MAPKAP1: variants seen among roughly 807,000 people sequenced by gnomAD.
MAPKAP1 encodes target of rapamycin complex 2 subunit MAPKAP1.
A neutral mutation model predicts 65.7 loss-of-function variants in MAPKAP1; 20 were observed. The observed-to-expected ratio is 0.30, with a 90% CI of 0.21 to 0.44. The LOEUF (loss-of-function observed/expected upper bound fraction) is 0.44, where lower values mean the gene tolerates loss of function less well. Among genes scored for constraint, MAPKAP1 ranks in the 20% least tolerant of loss-of-function variants. The pLI is 1.00. For synonymous variants in MAPKAP1, 222 were observed against 244.3 expected (o/e 0.91, Z 0.85); for missense variants, 423 against 648.0 (o/e 0.65, Z 3.77).
intron 10 of MAPKAP1, among the ~76,000 whole-genome samples, chr9:125,466,061 C>T (rs552667219): frequency 3.9e-5 from 6 of 152,180 alleles, no homozygotes; most frequent in Non-Finnish European, 8.8e-5. Context: ...TGCTGGTCTG[C>T]ATTTTATTCT....
intron 1 of MAPKAP1, among the ~76,000 whole-genome samples, chr9:125,680,210 T>G (rs1404070059): frequency 6.6e-6 from 1 of 152,150 alleles, no homozygotes; most frequent in East Asian, 1.9e-4. Context: ...CTCACATTTA[T>G]TTTCCACAAC....
At chr9:125,466,234 T>C (rs533385568) in intron 10 of MAPKAP1, among the ~76,000 whole-genome samples, 1 of 152,220 alleles carries the variant, frequency 6.6e-6, no homozygotes, top group Admixed American at 6.5e-5. Flanking sequence ...TAGAGTTCCT[T>C]TGGTTCAAGG....
intron 1 of MAPKAP1, 110 bp downstream of exon 1, chr9:125,706,861 C>T: frequency 2.8e-6 from 1 of 357,756 alleles, no homozygotes; most frequent in Non-Finnish European, 5.0e-6. Context: ...AAGGGCCCGG[C>T]AGGCGGCCCG....
chr9:125,641,020 A>G (rs1370734989), intron 4 of MAPKAP1, among the ~76,000 whole-genome samples: 1 of 152,222 alleles, frequency 6.6e-6, no homozygotes, highest in Non-Finnish European at 1.5e-5. Flanking sequence ...GTGTGATCTT[A>G]GGCAAGTTGT....
intron 5 of MAPKAP1, among the ~76,000 whole-genome samples, chr9:125,570,412 G>C (rs576691890): frequency 6.7e-6 from 1 of 149,326 alleles, no homozygotes; most frequent in South Asian, 2.1e-4. Flanking sequence ...TTACAGCTAG[G>C]TAAGGCCTGG....
chr9:125,479,217 C>G (rs72767095), intron 9 of MAPKAP1, among the ~76,000 whole-genome samples: 27 of 152,326 alleles, frequency 1.8e-4, no homozygotes, highest in Non-Finnish European at 3.4e-4. Flanking sequence ...TTCTATTTCT[C>G]ATTACTATTA....
chr9:125,491,702 G>C (rs149411030), intron 8 of MAPKAP1, among the ~76,000 whole-genome samples: 313 of 151,882 alleles, frequency 2.1e-3, no homozygotes, highest in African/African-American at 7.0e-3. Flanking sequence ...GATCGCTTGA[G>C]CCTAGGAGGT....
intron 9 of MAPKAP1, among the ~76,000 whole-genome samples, chr9:125,470,120 A>G (rs1891034): frequency 0.7 from 106,760 of 152,102 alleles, 37,592 homozygotes; most frequent in East Asian, 0.8. Flanking sequence ...CTATGCCCCT[A>G]CAACTCTTGA....
chr9:125,526,035 G>C (rs1217095123), intron 7 of MAPKAP1, among the ~76,000 whole-genome samples: 1 of 152,256 alleles, frequency 6.6e-6, no homozygotes, highest in Non-Finnish European at 1.5e-5. Context: ...CAGTGGAACA[G>C]AGAACAATGG....
chr9:125,562,937 G>A (rs914622997), intron 5 of MAPKAP1, among the ~76,000 whole-genome samples: 3 of 152,158 alleles, frequency 2.0e-5, no homozygotes, highest in Non-Finnish European at 4.4e-5. Context: ...AGTGTGTCAA[G>A]ACTTCCTGAG....
At chr9:125,521,279 T>C (rs1829609940) in intron 7 of MAPKAP1, among the ~76,000 whole-genome samples, 1 of 133,392 alleles carries the variant, frequency 7.5e-6, no homozygotes, top group African/African-American at 3.1e-5. Flanking sequence ...TCCCCTACTA[T>C]TTGTAAAAAA....
At chr9:125,580,282 A>G (rs771282566) in intron 5 of MAPKAP1, among the ~76,000 whole-genome samples, 8 of 152,234 alleles carry the variant, frequency 5.3e-5, no homozygotes, top group Non-Finnish European at 1.0e-4. Context: ...ACTTGGAATC[A>G]ACTCAAATGT....
intron 1 of MAPKAP1, among the ~76,000 whole-genome samples, chr9:125,689,069 T>C (rs1033292569): frequency 5.3e-5 from 8 of 152,162 alleles, no homozygotes; most frequent in African/African-American, 1.9e-4. Flanking sequence ...TATAAAGTGC[T>C]AAGTCATAGT....
chr9:125,658,949 C>CA (rs886713936), intron 3 of MAPKAP1, among the ~76,000 whole-genome samples: 27 of 151,014 alleles, frequency 1.8e-4, no homozygotes, highest in Non-Finnish European at 2.2e-4. Context: ...TTAGAACTTT[C>CA]AAAAAAAAAT....
intron 7 of MAPKAP1, among the ~76,000 whole-genome samples, chr9:125,516,994 T>C (rs1256777027): frequency 6.6e-6 from 1 of 152,232 alleles, no homozygotes; most frequent in Admixed American, 6.5e-5. Flanking sequence ...GCATTTGCTT[T>C]CCGCATCTTC....
chr9:125,681,885 C>G (rs1193781835), intron 1 of MAPKAP1, among the ~76,000 whole-genome samples: 1 of 152,110 alleles, frequency 6.6e-6, no homozygotes, highest in Admixed American at 6.5e-5. Context: ...ATCCTCCCAC[C>G]CCAGCCTGGG....
rs140969753 is a variant in MAPKAP1 at position 125,523,190 on chromosome 9, A to G, written c.959-16773T>C. ...GTTAACTGTCCTTGCTCCTGGCCCAATCCTGCCCAGAACCCTGCCCTCAGG... is the reference window on the plus strand; with the variant it reads ...GTTAACTGTCCTTGCTCCTGGCCCAGTCCTGCCCAGAACCCTGCCCTCAGG... On this transcript the variant is annotated intron_variant, in intron 7 of 11. Transcript: ENST00000265960. Among the ~76,000 whole-genome samples the G allele has an allele frequency of 2.8e-3, 423 of 152,204 alleles. 3 individuals carry two copies. Among genetic ancestry groups the G allele is most frequent in the African/African-American group, 1.0e-2 (414 of 41,536 alleles).
intron 4 of MAPKAP1, among the ~76,000 whole-genome samples, chr9:125,618,135 A>G (rs1832795564): frequency 6.6e-6 from 1 of 152,024 alleles, no homozygotes; most frequent in Admixed American, 6.6e-5. Context: ...TGAGGTCAGG[A>G]GTTCGAGACC....
chr9:125,546,940 GA>G (rs1830442816), intron 6 of MAPKAP1, among the ~76,000 whole-genome samples: 1 of 152,170 alleles, frequency 6.6e-6, no homozygotes, highest in Admixed American at 6.5e-5. Context: ...GGGACACTGA[GA>G]AGCAGCAGCT....
Sources: gnomAD v4.1 joint callset for allele counts (sites outside exome capture counted in the v4.1 genomes callset) on GRCh38, gnomAD v4.1.1 for gene constraint, MANE v1.5 for transcripts, NCBI Gene and HGNC (gene_info 2026-07-23, HGNC 2026-07-21) for gene names.